The following NELL1 variants were observed in gnomAD, a reference collection of about 807,000 sequenced individuals.
NELL1 encodes the protein protein kinase C-binding protein NELL1.
A neutral mutation model predicts 107.4 loss-of-function variants in NELL1; 76 were observed. The ratio of observed to expected loss-of-function variants is 0.71; its 90% CI spans 0.59 to 0.86. The LOEUF (loss-of-function observed/expected upper bound fraction) is 0.86, where lower values mean the gene tolerates loss of function less well. Among genes scored for constraint, NELL1 ranks in the 40% least tolerant of loss-of-function variants. The probability of loss-of-function intolerance (pLI) is 0.00; values close to 1 mark genes in which losing one functional copy is unlikely to be tolerated. For missense variants in NELL1, 1,024 were observed against 1,005.5 expected (o/e 1.02, Z -0.25); for synonymous variants, 353 against 341.2 (o/e 1.03, Z -0.38).
chr11:21,014,270 A>T (rs568811554), intron 12 of NELL1, among the ~76,000 whole-genome samples: 1 of 152,220 alleles, frequency 6.6e-6, no homozygotes, highest in East Asian at 1.9e-4. Flanking sequence ...GCATCAAGCC[A>T]TGTGCCCTGC....
chr11:21,242,359 C>T (rs756635179), intron 14 of NELL1, among the ~76,000 whole-genome samples: 18 of 152,140 alleles, frequency 1.2e-4, no homozygotes, highest in East Asian at 3.9e-4. Flanking sequence ...AGGTCAAACA[C>T]GAGAGGTTTT....
chr11:21,256,634 T>G (rs983240628), intron 14 of NELL1, among the ~76,000 whole-genome samples: 2 of 152,090 alleles, frequency 1.3e-5, no homozygotes, highest in Non-Finnish European at 2.9e-5. Flanking sequence ...TTTGTTAAGA[T>G]GTGGAGGCTG....
intron 12 of NELL1, among the ~76,000 whole-genome samples, chr11:20,974,692 T>G (rs952193406): frequency 1.3e-5 from 2 of 152,184 alleles, no homozygotes; most frequent in African/African-American, 4.8e-5. Flanking sequence ...CAAAAATCTT[T>G]AGTTAGCTCT....
At chr11:21,056,134 C>G (rs1196112083) in intron 12 of NELL1, among the ~76,000 whole-genome samples, 1 of 152,042 alleles carries the variant, frequency 6.6e-6, no homozygotes, top group African/African-American at 2.4e-5. Flanking sequence ...AGTAATTTGC[C>G]CAGATCACAG....
In NELL1 at chr11:20,678,026, A is replaced by C. The variant is rs1289819212; in HGVS notation, c.150A>C (p.Gly50=). The C allele has an allele frequency of 6.2e-7, 1 of 1,614,002 alleles. No homozygotes were observed. The highest frequency in any genetic ancestry group is 8.5e-7 in the Non-Finnish European group (1 of 1,180,002). Residue 50 remains glycine (G), a synonymous_variant, in exon 2 of 20, where the codon GGA becomes GGC. Transcript: ENST00000357134. The part of the protein sequence containing the change: ...NTTLGVAQVS[G]MHNASKAFLF... ...CCCTTGGAGTTGCTCAGGTGTCTGG[A>C]ATGCACAATGCCAGCAAAGCATTTT...
At chr11:21,494,430 G>C (rs1360939435) in intron 15 of NELL1, among the ~76,000 whole-genome samples, 1 of 151,782 alleles carries the variant, frequency 6.6e-6, no homozygotes, top group East Asian at 1.9e-4. Flanking sequence ...ATCCTTGGAG[G>C]CAAAATTTTT....
chr11:21,264,483 A>G (rs537687360), intron 14 of NELL1, among the ~76,000 whole-genome samples: 3 of 152,058 alleles, frequency 2.0e-5, no homozygotes, highest in African/African-American at 7.2e-5. Context: ...GAATATTTTC[A>G]GATATGTATA....
chr11:21,052,009 A>G lies in NELL1; in HGVS notation c.1301-61580A>G, dbSNP rs575938665. 4.8e-4 allele frequency among the ~76,000 whole-genome samples: 73 copies of G among 152,208 alleles called. 1 individual carries two copies. Among genetic ancestry groups the G allele is most frequent in the Non-Finnish European group, 7.1e-4 (48 of 68,004 alleles). The stretch of plus-strand genomic sequence containing the variant: ...AGTCAGGGAGACGGGAAATGCTGGT[A>G]GTGGGAAGCGTACGATTTTTAGTAG... On this transcript the variant is annotated intron_variant, in intron 12 of 19. Transcript: ENST00000357134.
intron 15 of NELL1, among the ~76,000 whole-genome samples, chr11:21,458,536 T>A (rs994318027): frequency 1.6e-4 from 24 of 152,180 alleles, no homozygotes; most frequent in Non-Finnish European, 2.9e-4. Context: ...CCATTGTAAA[T>A]GTTATTTTCA....
chr11:21,190,943 G>A (rs1857036618), intron 13 of NELL1, among the ~76,000 whole-genome samples: 1 of 151,758 alleles, frequency 6.6e-6, no homozygotes, highest in South Asian at 2.1e-4. Flanking sequence ...CTCCCTAGCA[G>A]GGAAGATTTT....
At position 21,256,850 on chromosome 11, in the gene NELL1, G is replaced by A. The variant is rs1041720957; in HGVS notation, c.1549+27396G>A. Among the ~76,000 whole-genome samples, 8 of 152,066 alleles carry A rather than the reference G, an allele frequency of 5.3e-5. No individual in the cohort carries two copies. The East Asian group carries it at 1.6e-3, about 30-fold the overall frequency. ...GTGAGCACCGGAAGCACGGGTATAGGGCAATGGGCAAGTGAGACAGGAAAG... is the reference window on the plus strand; with the variant it reads ...GTGAGCACCGGAAGCACGGGTATAGAGCAATGGGCAAGTGAGACAGGAAAG... On this transcript the variant is annotated intron_variant, in intron 14 of 19. Transcript: ENST00000357134.
intron 15 of NELL1, among the ~76,000 whole-genome samples, chr11:21,516,164 C>T (rs942404892): frequency 3.3e-5 from 5 of 152,166 alleles, no homozygotes; most frequent in African/African-American, 1.2e-4. Flanking sequence ...ATGCACCATT[C>T]TGTGGCCTTG....
intron 3 of NELL1, among the ~76,000 whole-genome samples, chr11:20,806,071 A>C (rs796868707): frequency 2.6e-5 from 4 of 150,992 alleles, no homozygotes; most frequent in African/African-American, 9.7e-5. Flanking sequence ...TTGTGTACTT[A>C]CTAATACCAG....
intron 15 of NELL1, among the ~76,000 whole-genome samples, chr11:21,533,733 A>G (rs1856055834): frequency 6.6e-6 from 1 of 152,308 alleles, no homozygotes; most frequent in East Asian, 1.9e-4. Context: ...AGCATAATCA[A>G]TCCATAGTTT....
chr11:21,431,143 C>G (rs1356849962), intron 15 of NELL1, among the ~76,000 whole-genome samples: 1 of 152,058 alleles, frequency 6.6e-6, no homozygotes. Flanking sequence ...CTGCTGACAT[C>G]TACTTGGCTG....
chr11:21,195,361 TG>T, intron 13 of NELL1, among the ~76,000 whole-genome samples: 1 of 152,274 alleles, frequency 6.6e-6, no homozygotes, highest in African/African-American at 2.4e-5. Context: ...TACAGTAGGC[TG>T]GGGCAACCAC....
chr11:20,918,041 A>G (rs930696454), intron 5 of NELL1, 141 bp from the exon 6 acceptor site: 2 of 649,224 alleles, frequency 3.1e-6, no homozygotes, highest in Admixed American at 2.6e-5. Flanking sequence ...GTAGTTCAGT[A>G]TATACTAAGG....
chr11:21,009,467 G>A (rs1469277401), intron 12 of NELL1, among the ~76,000 whole-genome samples: 1 of 152,040 alleles, frequency 6.6e-6, no homozygotes, highest in Non-Finnish European at 1.5e-5. Context: ...AGTTCTCATA[G>A]GACACATCTG....
At chr11:21,242,975 C>T (rs1250781442) in intron 14 of NELL1, among the ~76,000 whole-genome samples, 1 of 152,102 alleles carries the variant, frequency 6.6e-6, no homozygotes, top group East Asian at 1.9e-4. Flanking sequence ...GTCCATATGA[C>T]AGTTCCCTTC....
Sources: gnomAD v4.1 joint callset for allele counts (sites outside exome capture counted in the v4.1 genomes callset) on GRCh38, gnomAD v4.1.1 for gene constraint, MANE v1.5 for transcripts, NCBI Gene and HGNC (gene_info 2026-07-23, HGNC 2026-07-21) for gene names.